SGCZ: variants seen among roughly 807,000 people sequenced by gnomAD.
SGCZ encodes sarcoglycan zeta, also known as zeta-sarcoglycan.
In SGCZ, 40 loss-of-function variants were observed where a neutral mutation model predicts 41.3. That is an observed-to-expected ratio of 0.97 (90% CI 0.75 to 1.26). The LOEUF is 1.26. Among genes scored for constraint, SGCZ ranks in the 50% most tolerant of loss-of-function variants. The pLI, the probability that SGCZ is intolerant of heterozygous loss-of-function variation, is 0.00. For missense variants in SGCZ, 552 were observed against 369.8 expected (o/e 1.49, Z -4.04); for synonymous variants, 206 against 137.5 (o/e 1.50, Z -3.49).
At chr8:14,775,478 T>A (rs879853097) in intron 1 of SGCZ, among the ~76,000 whole-genome samples, 49 of 151,550 alleles carry the variant, frequency 3.2e-4, no homozygotes, top group African/African-American at 6.8e-4. Flanking sequence ...TGTGTGTGTG[T>A]GTGTGTGTGT....
intron 2 of SGCZ, among the ~76,000 whole-genome samples, chr8:14,419,550 A>G (rs2117301374): frequency 6.6e-6 from 1 of 152,074 alleles, no homozygotes; most frequent in East Asian, 1.9e-4. Flanking sequence ...GTCAGCAGAC[A>G]AAAACAATAT....
intron 1 of SGCZ, among the ~76,000 whole-genome samples, chr8:15,103,792 A>T (rs116207177): frequency 0.01 from 1,528 of 152,286 alleles, 21 homozygotes; most frequent in African/African-American, 0.036. Context: ...GCATAATGGG[A>T]GAGAAAGAAA....
chr8:14,821,609 C>G lies in SGCZ; in HGVS notation c.40-266683G>C, dbSNP rs573570727. ...AAATCCAATAGCACATTAAAAAGATCAGGCACTATGATCAGGCGAACCTGA... is the reference window on the plus strand; with the variant it reads ...AAATCCAATAGCACATTAAAAAGATGAGGCACTATGATCAGGCGAACCTGA... On this transcript the variant is annotated intron_variant, in intron 1 of 7. Transcript: ENST00000382080. Among the ~76,000 whole-genome samples, 3 of 152,106 alleles carry G rather than the reference C, an allele frequency of 2.0e-5. No homozygotes were observed. In the South Asian group the frequency reaches 6.2e-4, roughly 32 times the overall value.
chr8:14,933,650 T>C lies in SGCZ; in HGVS notation c.39+303935A>G, dbSNP rs1034099124. Among the ~76,000 whole-genome samples the C allele has an allele frequency of 3.3e-5, 5 of 151,872 alleles. 1 individual carries two copies. The highest frequency in any genetic ancestry group is 2.0e-4 in the Admixed American group (3 of 15,254). On this transcript the variant is annotated intron_variant, in intron 1 of 7. Coordinates refer to ENST00000382080, the MANE Select transcript of SGCZ (RefSeq NM_139167.4). The stretch of plus-strand genomic sequence containing the variant: ...GTATTTTTTAGTAGAGATGGGGTTC[T>C]ACCGTGTTAGCCAGGATGATCTCGA...
At chr8:14,115,044 C>CA (rs201297024) in intron 5 of SGCZ, among the ~76,000 whole-genome samples, 10 of 151,582 alleles carry the variant, frequency 6.6e-5, no homozygotes, top group Admixed American at 5.3e-4. Context: ...TTCCTACCTC[C>CA]AAAAAAAATG....
At position 14,219,887 on chromosome 8, in the gene SGCZ, G is replaced by A. The variant is rs149699923; in HGVS notation, c.424+17705C>T. ...GGGAAAACGTTTCTACAACCAGTAG[G>A]ATGCAGAAAATGCTTTTCAAGAGTT... is the stretch of plus-strand genomic sequence containing the variant. On this transcript the variant is annotated intron_variant, in intron 4 of 7. Transcript: ENST00000382080. Among the ~76,000 whole-genome samples the A allele has an allele frequency of 6.5e-3, 986 of 152,216 alleles. 14 individuals carry two copies. Among genetic ancestry groups the A allele is most frequent in the African/African-American group, 0.022 (896 of 41,518 alleles).
chr8:14,590,873 A>G (rs1805218061), intron 1 of SGCZ, among the ~76,000 whole-genome samples: 1 of 148,796 alleles, frequency 6.7e-6, no homozygotes, highest in African/African-American at 2.4e-5. Flanking sequence ...ATTATAAAGT[A>G]CTTATACTAT....
chr8:14,655,753 T>C (rs1807545001), intron 1 of SGCZ, among the ~76,000 whole-genome samples: 1 of 152,108 alleles, frequency 6.6e-6, no homozygotes, highest in Non-Finnish European at 1.5e-5. Context: ...TGTTACCCTT[T>C]TATAGCCTCA....
intron 1 of SGCZ, among the ~76,000 whole-genome samples, chr8:14,858,203 C>T (rs1049208453): frequency 6.6e-6 from 1 of 151,552 alleles, no homozygotes; most frequent in Admixed American, 6.6e-5. Flanking sequence ...TATGTATACA[C>T]ATATAAAATA....
At chr8:14,402,107 T>C (rs954446001) in intron 2 of SGCZ, among the ~76,000 whole-genome samples, 6 of 152,238 alleles carry the variant, frequency 3.9e-5, no homozygotes, top group Non-Finnish European at 8.8e-5. Context: ...TGTCTGTTCA[T>C]GTCCTTTGCC....
At chr8:14,372,511 T>A (rs956871771) in intron 2 of SGCZ, among the ~76,000 whole-genome samples, 3 of 152,044 alleles carry the variant, frequency 2.0e-5, no homozygotes, top group Admixed American at 6.6e-5. Context: ...AATTATATAG[T>A]ATATGGGCTG....
intron 4 of SGCZ, among the ~76,000 whole-genome samples, chr8:14,202,009 C>G (rs542332645): frequency 3.0e-4 from 45 of 152,258 alleles, no homozygotes; most frequent in African/African-American, 1.0e-3. Context: ...CCTCAGAACG[C>G]CCCACCTCCT....
At chr8:14,655,855 C>G (rs1208994104) in intron 1 of SGCZ, among the ~76,000 whole-genome samples, 2 of 152,036 alleles carry the variant, frequency 1.3e-5, no homozygotes, top group African/African-American at 4.8e-5. Context: ...ATAATTGGAA[C>G]CACATACTAT....
intron 1 of SGCZ, among the ~76,000 whole-genome samples, chr8:15,162,070 G>A (rs1330777779): frequency 1.3e-5 from 2 of 152,142 alleles, no homozygotes; most frequent in African/African-American, 4.8e-5. Context: ...ACTGTAAACA[G>A]AATCAGTTTC....
intron 1 of SGCZ, among the ~76,000 whole-genome samples, chr8:15,088,240 G>A (rs529770803): frequency 2.8e-4 from 42 of 152,128 alleles, no homozygotes; most frequent in South Asian, 6.2e-4. Context: ...ATTTACACAC[G>A]CAGTAAGCGT....
chr8:14,500,982 T>C (rs1482832245), intron 2 of SGCZ, among the ~76,000 whole-genome samples: 1 of 149,572 alleles, frequency 6.7e-6, no homozygotes, highest in East Asian at 1.9e-4. Context: ...ACAAACTTAA[T>C]AGCTTAAAAC....
intron 1 of SGCZ, among the ~76,000 whole-genome samples, chr8:14,958,890 T>A (rs1800878178): frequency 6.6e-6 from 1 of 152,032 alleles, no homozygotes; most frequent in African/African-American, 2.4e-5. Context: ...AAAACAAAGA[T>A]AGCCAAACAG....
intron 1 of SGCZ, among the ~76,000 whole-genome samples, chr8:15,103,224 A>G (rs1432277242): frequency 6.6e-6 from 1 of 152,040 alleles, no homozygotes; most frequent in Non-Finnish European, 1.5e-5. Flanking sequence ...AACACGGTGG[A>G]ACCCCATCTC....
intron 2 of SGCZ, among the ~76,000 whole-genome samples, chr8:14,448,465 C>A (rs1353521122): frequency 1.3e-5 from 2 of 152,212 alleles, no homozygotes; most frequent in African/African-American, 4.8e-5. Context: ...TTTGGCTTTG[C>A]AGAATTGAGA....
Sources: gnomAD v4.1 joint callset for allele counts (sites outside exome capture counted in the v4.1 genomes callset) on GRCh38, gnomAD v4.1.1 for gene constraint, MANE v1.5 for transcripts, NCBI Gene and HGNC (gene_info 2026-07-23, HGNC 2026-07-21) for gene names.